Variants in ZFHX3 observed in about 807,000 individuals in gnomAD.
ZFHX3 encodes zinc finger homeobox protein 3.
In ZFHX3, 42 loss-of-function variants were observed where a neutral mutation model predicts 279.1. The ratio of observed to expected loss-of-function variants is 0.15; its 90% CI spans 0.12 to 0.19. The LOEUF (loss-of-function observed/expected upper bound fraction) is 0.19, where lower values mean the gene tolerates loss of function less well. Ranked by LOEUF, ZFHX3 falls within the 10% of genes least tolerant of loss-of-function variation. ZFHX3 has a pLI of 1.00. For missense variants in ZFHX3, 4,981 were observed against 4,754.0 expected, an observed-to-expected ratio of 1.05 and a Z score of -1.40; for synonymous variants, 2,293 against 1,957.8, an observed-to-expected ratio of 1.17 and a Z score of -4.52.
chr16:73,113,455 C>T (rs1044483757), intron 7 of ZFHX3, among the ~76,000 whole-genome samples: 7 of 152,160 alleles, frequency 4.6e-5, no homozygotes, highest in African/African-American at 7.2e-5. Flanking sequence ...ACAATAAATA[C>T]GGCCCACGTC....
intron 2 of ZFHX3, among the ~76,000 whole-genome samples, chr16:73,491,525 A>G (rs1263698298): frequency 2.6e-5 from 4 of 152,192 alleles, no homozygotes; most frequent in African/African-American, 9.6e-5. Flanking sequence ...CCATTCAGAA[A>G]TCCGTGGCAT....
chr16:73,155,180 C>CAAA (rs780941621), intron 5 of ZFHX3, among the ~76,000 whole-genome samples: 45 of 105,212 alleles, frequency 4.3e-4, no homozygotes, highest in Middle Eastern at 5.0e-3. Context: ...CTCAAAAAAA[C>CAAA]AAAAAAAAAA....
At chr16:73,227,623 T>C (rs1597230508) in intron 5 of ZFHX3, among the ~76,000 whole-genome samples, 2 of 151,814 alleles carry the variant, frequency 1.3e-5, no homozygotes, top group Admixed American at 1.3e-4. Flanking sequence ...TCGAGGCAGG[T>C]GGATTGATTG....
Position 73,881,743 on chromosome 16 carries a change from T to G in ZFHX3, c.-1608+9908A>C, listed in dbSNP as rs1171034480. Among the ~76,000 whole-genome samples, 6 of 152,000 alleles carry G rather than the reference T, an allele frequency of 3.9e-5. No homozygotes were observed. In the South Asian group the frequency reaches 1.3e-3, roughly 32 times the overall value. The stretch of plus-strand genomic sequence containing the variant: ...TGGAGATGGGATATATATGTGTGTG[T>G]GCGTATGTATATATAAAGTTAAAAA... On this transcript the variant is annotated intron_variant, in intron 1 of 17. Transcript: ENST00000641206.
intron 1 of ZFHX3, among the ~76,000 whole-genome samples, chr16:73,692,026 T>C (rs1218510497): frequency 6.6e-6 from 1 of 152,208 alleles, no homozygotes; most frequent in Admixed American, 6.5e-5. Flanking sequence ...ATGAACCCTG[T>C]TTTCAGATTG....
chr16:73,652,415 C>A (rs1203053882), intron 2 of ZFHX3, among the ~76,000 whole-genome samples: 3 of 152,168 alleles, frequency 2.0e-5, no homozygotes, highest in Non-Finnish European at 4.4e-5. Flanking sequence ...ATAAAGACTT[C>A]TTTTAAACAA....
At chr16:73,302,699 GGGAGTCAACAGT>G (rs2015084945) in intron 4 of ZFHX3, among the ~76,000 whole-genome samples, 1 of 152,196 alleles carries the variant, frequency 6.6e-6, no homozygotes. Flanking sequence ...TGGGACCTCA[GGGAGTCAACAGT>G]GGTACTTGGA....
At chr16:73,417,647 A>C (rs1335420499) in intron 3 of ZFHX3, among the ~76,000 whole-genome samples, 1 of 151,616 alleles carries the variant, frequency 6.6e-6, no homozygotes, top group Non-Finnish European at 1.5e-5. Flanking sequence ...TTTGTTGTCT[A>C]AAATAATTTA....
chr16:72,885,239 T>C (rs2038594467), intron 4 of ZFHX3, among the ~76,000 whole-genome samples: 1 of 152,202 alleles, frequency 6.6e-6, no homozygotes, highest in African/African-American at 2.4e-5. Context: ...CAGGGCCACA[T>C]GGGCACAGAA....
intron 5 of ZFHX3, among the ~76,000 whole-genome samples, chr16:73,159,558 G>A (rs568500466): frequency 9.9e-5 from 15 of 152,172 alleles, no homozygotes; most frequent in African/African-American, 3.1e-4. Flanking sequence ...CCTACTCCAG[G>A]CCACCAAAGG....
At chr16:73,487,329 T>G (rs1175014111) in intron 2 of ZFHX3, 1 of 341,508 alleles carries the variant, frequency 2.9e-6, no homozygotes, top group Non-Finnish European at 5.8e-6. Flanking sequence ...AAATGTCTTC[T>G]GAACCCATCT....
rs1361500595 is a variant in ZFHX3 at position 73,269,394 on chromosome 16, C to T, written c.-1193-12258G>A. On this transcript the variant is annotated intron_variant, in intron 4 of 17. Coordinates refer to the ZFHX3 transcript ENST00000641206. Reference sequence around the variant, plus strand: ...TTTTATTCCTATTATTCTGCTTTTTCCACAATGCCATATAAATGGAATAAT... The same window carrying T: ...TTTTATTCCTATTATTCTGCTTTTTTCACAATGCCATATAAATGGAATAAT... Among the ~76,000 whole-genome samples the T allele has an allele frequency of 2.1e-4, 32 of 152,162 alleles. 1 individual carries two copies. Among genetic ancestry groups the T allele is most frequent in the Admixed American group, 2.0e-3 (31 of 15,276 alleles).
intron 2 of ZFHX3, among the ~76,000 whole-genome samples, chr16:73,677,995 T>A (rs549417878): frequency 6.6e-6 from 1 of 152,122 alleles, no homozygotes; most frequent in East Asian, 1.9e-4. Flanking sequence ...AATTTATAAA[T>A]ATAATCCAGT....
chr16:73,076,985 A>T (rs766924195), intron 8 of ZFHX3, among the ~76,000 whole-genome samples: 1 of 152,192 alleles, frequency 6.6e-6, no homozygotes, highest in Non-Finnish European at 1.5e-5. Context: ...ATCAGAACTC[A>T]GAGGATCTTC....
chr16:73,752,192 A>C (rs1381979309), intron 1 of ZFHX3, among the ~76,000 whole-genome samples: 1 of 152,050 alleles, frequency 6.6e-6, no homozygotes, highest in African/African-American at 2.4e-5. Context: ...CCCAAGGCCC[A>C]GGTAAATGTC....
chr16:73,623,281 C>T (rs1338450179), intron 2 of ZFHX3, among the ~76,000 whole-genome samples: 2 of 152,298 alleles, frequency 1.3e-5, no homozygotes, highest in African/African-American at 2.4e-5. Context: ...CGTGATCCGC[C>T]CGCCTCGGCC....
At chr16:73,345,381 T>C (rs1250336180) in intron 3 of ZFHX3, among the ~76,000 whole-genome samples, 2 of 151,106 alleles carry the variant, frequency 1.3e-5, no homozygotes, top group Non-Finnish European at 2.9e-5. Context: ...TTCCTGATGC[T>C]CTCCCTCCCC....
intron 1 of ZFHX3, among the ~76,000 whole-genome samples, chr16:72,967,616 T>C (rs971937235): frequency 9.9e-5 from 15 of 152,036 alleles, no homozygotes. Flanking sequence ...CCCAAACTAA[T>C]GGATGAAAGT....
chr16:72,910,502 G>A (rs1222136970), intron 3 of ZFHX3, among the ~76,000 whole-genome samples: 2 of 152,174 alleles, frequency 1.3e-5, no homozygotes, highest in Non-Finnish European at 2.9e-5. Context: ...CATCTTACAT[G>A]TACACAGTCC....
Sources: gnomAD v4.1 joint callset for allele counts (sites outside exome capture counted in the v4.1 genomes callset) on GRCh38, gnomAD v4.1.1 for gene constraint, MANE v1.5 for transcripts, NCBI Gene and HGNC (gene_info 2026-07-23, HGNC 2026-07-21) for gene names.